UQCRH: variants seen among roughly 807,000 people sequenced by gnomAD.
UQCRH encodes the protein ubiquinol-cytochrome c reductase hinge protein.
Under a neutral mutation model 16.3 loss-of-function variants are expected in UQCRH, and 14 were observed. That is an observed-to-expected ratio of 0.86 (90% CI 0.57 to 1.34). UQCRH has a LOEUF of 1.34. Among genes scored for constraint, UQCRH ranks in the 40% most tolerant of loss-of-function variants. UQCRH has a pLI of 0.00. For synonymous variants in UQCRH, 41 were observed against 41.9 expected (o/e 0.98, Z 0.08); for missense variants, 89 against 111.9 (o/e 0.80, Z 0.92).
At chr1:46,310,379 C>T (rs1392364731) in intron 3 of UQCRH, 63 bp downstream of exon 3, 3 of 1,605,876 alleles carry the variant, frequency 1.9e-6, no homozygotes, top group Non-Finnish European at 2.6e-6. Flanking sequence ...TTGGTGCCAA[C>T]AATCTTTCCA....
Position 46,310,145 on chromosome 1 carries a change from T to C in UQCRH, c.82-10T>C, listed in dbSNP as rs775056917. 4 of 1,614,200 alleles carry C rather than the reference T, an allele frequency of 2.5e-6. No homozygotes were observed. Among genetic ancestry groups the C allele is most frequent in the Non-Finnish European group, 3.4e-6 (4 of 1,180,038 alleles). On this transcript the variant is annotated splice_polypyrimidine_tract_variant and intron_variant, in intron 2 of 3. Transcript: ENST00000311672. ...ATGCCCATTTTGTTTTTTTTCTGTT[T>C]CTACATCAGGATCCCCTAACAACAG...
In UQCRH at chr1:46,303,799, C is replaced by T; in HGVS notation, c.33C>T (p.Thr11=). Residue 11 remains threonine, a synonymous_variant, in exon 1 of 4, where the codon ACC becomes ACT. Transcript: ENST00000311672. MGLEDEQKML[T]ESGDPEEEEE... ...TGGAGGACGAGCAAAAGATGCTTAC[C>T]GAATCCGGAGATCCTGAGGAGGTAA... The T allele has an allele frequency of 6.2e-7, 1 of 1,614,122 alleles. No individual in the cohort carries two copies. The highest frequency in any genetic ancestry group is 8.5e-7 in the Non-Finnish European group (1 of 1,180,016).
intron 1 of UQCRH, among the ~76,000 whole-genome samples, chr1:46,305,113 T>G (rs1661342230): frequency 6.8e-6 from 1 of 147,208 alleles, no homozygotes; most frequent in South Asian, 2.2e-4. Context: ...AGTCCAGGAG[T>G]TGGACCAGCC....
At chr1:46,309,738 C>T (rs926887798) in intron 2 of UQCRH, 3 of 439,276 alleles carry the variant, frequency 6.8e-6, no homozygotes, top group African/African-American at 2.1e-5. Context: ...TTAGCATTGC[C>T]TTTCTAGTTG....
At chr1:46,303,909 C>T (rs1372528314) in intron 1 of UQCRH, 89 bp downstream of exon 1, 2 of 1,564,270 alleles carry the variant, frequency 1.3e-6, no homozygotes, top group Non-Finnish European at 1.8e-6. Context: ...CTCTTAGCCC[C>T]CAGTTTACCC....
chr1:46,314,499 C>T (rs1165504278), intron 3 of UQCRH, among the ~76,000 whole-genome samples: 2 of 151,760 alleles, frequency 1.3e-5, no homozygotes, highest in Non-Finnish European at 2.9e-5. Flanking sequence ...GATGAAACCC[C>T]GTCTCTACTA....
In UQCRH at chr1:46,310,228, T is replaced by G; in HGVS notation, c.155T>G (p.Leu52Arg). Reference sequence around the variant, plus strand: ...GTAAAGGCCCGGGAGCGGCTAGAGCTCTGTGATGAGCGTGTATCCTCTCGA... The same window carrying G: ...GTAAAGGCCCGGGAGCGGCTAGAGCGCTGTGATGAGCGTGTATCCTCTCGA... ...KCVKARERLELCDERVSSRSH... is the reference protein window; with the variant it reads ...KCVKARERLERCDERVSSRSH... The change falls in exon 3 of 4, where the codon CTC (leucine) becomes CGC (arginine). Residue 52 changes from leucine to arginine, a missense_variant. Leu to Arg is a moderately radical substitution (Grantham distance 102). Coordinates refer to ENST00000311672, the MANE Select transcript of UQCRH (RefSeq NM_006004.4). 6.2e-7 allele frequency: 1 copy of G among 1,614,232 alleles called. No homozygotes were observed. Among genetic ancestry groups the G allele is most frequent in the South Asian group, 1.1e-5 (1 of 91,088 alleles).
intron 1 of UQCRH, among the ~76,000 whole-genome samples, 184 bp downstream of exon 1, chr1:46,304,004 G>A (rs934266735): frequency 6.6e-6 from 1 of 152,332 alleles, no homozygotes. Context: ...TAGATGACTA[G>A]TTTTTCTCTG....
chr1:46,311,172 A>G (rs1253215051), intron 3 of UQCRH, among the ~76,000 whole-genome samples: 2 of 152,086 alleles, frequency 1.3e-5, no homozygotes, highest in Non-Finnish European at 2.9e-5. Context: ...ATAGAAACTG[A>G]GGCTCAGAGA....
At chr1:46,306,621 C>G (rs930964256) in intron 1 of UQCRH, among the ~76,000 whole-genome samples, 3 of 152,116 alleles carry the variant, frequency 2.0e-5, no homozygotes, top group African/African-American at 7.2e-5. Context: ...ATCCTCCTGC[C>G]TTGGCCTCCC....
chr1:46,313,403 T>C (rs886726637), intron 3 of UQCRH, among the ~76,000 whole-genome samples: 7 of 149,862 alleles, frequency 4.7e-5, no homozygotes, highest in African/African-American at 1.7e-4. Context: ...CGGAGGCGGG[T>C]GGATCATGAG....
intron 3 of UQCRH, among the ~76,000 whole-genome samples, chr1:46,313,017 A>C (rs1569695270): frequency 6.6e-6 from 1 of 152,200 alleles, no homozygotes; most frequent in Non-Finnish European, 1.5e-5. Context: ...TGGTACAGCC[A>C]CTGTGGAAAA....
Position 46,310,310 on chromosome 1 carries a change from C to T in UQCRH, c.237C>T (p.Asp79=). Residue 79 remains aspartate, a synonymous_variant, in exon 3 of 4, where the codon GAC becomes GAT. Coordinates refer to ENST00000311672, the MANE Select transcript of UQCRH (RefSeq NM_006004.4). Reference sequence around the variant, plus strand: ...TCTTTGACTTCTTGCATGCGAGGGACCATTGCGTAAGTCAGTGGGAAGTCA... The same window carrying T: ...TCTTTGACTTCTTGCATGCGAGGGATCATTGCGTAAGTCAGTGGGAAGTCA... ...EELFDFLHAR[D]HCVAHKLFNN... is the part of the protein sequence containing the mutation. The T allele has an allele frequency of 6.2e-7, 1 of 1,613,992 alleles. No homozygotes were observed.
Position 46,311,320 on chromosome 1 carries a change from G to GGGAGGC in UQCRH, c.243+1031_243+1036dup, listed in dbSNP as rs148292502. 1.8e-3 allele frequency among the ~76,000 whole-genome samples: 261 copies of GGGAGGC among 148,856 alleles called. 1 individual carries two copies. Among genetic ancestry groups the GGGAGGC allele is most frequent in the Non-Finnish European group, 3.0e-3 (199 of 67,138 alleles). ...CTCACGCCTGTAATCCCAGCACTTT[G>GGGAGGC]GGAGGCGGAGGCGGAGGCGGAGGCG... On this transcript the variant is annotated intron_variant, in intron 3 of 3. Coordinates refer to ENST00000311672, the MANE Select transcript of UQCRH (RefSeq NM_006004.4).
At chr1:46,309,994 A>G (rs1017151287) in intron 2 of UQCRH, 161 bp from the exon 3 acceptor site, 1 of 1,490,130 alleles carries the variant, frequency 6.7e-7, no homozygotes, top group Non-Finnish European at 8.9e-7. Context: ...GGGAGACCGC[A>G]TTCTGCCATT....
rs895772958 is a variant in UQCRH at position 46,307,034 on chromosome 1, C to T, written c.55-2067C>T. 3.9e-5 allele frequency among the ~76,000 whole-genome samples: 6 copies of T among 152,182 alleles called. 1 individual carries two copies. The highest frequency in any genetic ancestry group is 2.6e-4 in the Admixed American group (4 of 15,280). On this transcript the variant is annotated intron_variant, in intron 1 of 3. Transcript: ENST00000311672. ...CTGAGTAGCCATGACCACAGACGTG[C>T]GCCACCATGCCCGGCTAATTTATTT... is the stretch of plus-strand genomic sequence containing the variant.
chr1:46,308,983 A>C (rs1661420695), intron 1 of UQCRH, 118 bp from the exon 2 acceptor site: 1 of 1,240,476 alleles, frequency 8.1e-7, no homozygotes, highest in African/African-American at 1.5e-5. Flanking sequence ...TAAAACACAG[A>C]AAACAAAATA....
intron 3 of UQCRH, among the ~76,000 whole-genome samples, chr1:46,316,173 T>G (rs1383941584): frequency 6.6e-6 from 1 of 152,230 alleles, no homozygotes; most frequent in African/African-American, 2.4e-5. Context: ...GCAGGCATGT[T>G]TTGTTACAGT....
At chr1:46,306,789 T>C (rs1261704420) in intron 1 of UQCRH, among the ~76,000 whole-genome samples, 2 of 152,210 alleles carry the variant, frequency 1.3e-5, no homozygotes, top group Non-Finnish European at 2.9e-5. Context: ...TGAGAATAAA[T>C]AGCCTGGATT....
Sources: allele counts gnomAD v4.1 joint callset (sites outside exome capture counted in the v4.1 genomes callset), GRCh38; gene constraint gnomAD v4.1.1; transcripts MANE v1.5; gene names NCBI Gene and HGNC (gene_info 2026-07-23, HGNC 2026-07-21).